UBE2K: variants seen among roughly 807,000 people sequenced by gnomAD.
The protein encoded by UBE2K is ubiquitin conjugating enzyme E2 K.
In UBE2K, 6 loss-of-function variants were observed where a neutral mutation model predicts 30.0. The observed-to-expected ratio is 0.20, with a 90% CI of 0.11 to 0.39. The LOEUF (loss-of-function observed/expected upper bound fraction) is 0.39, where lower values mean the gene tolerates loss of function less well. UBE2K is among the 10% of genes least tolerant of loss of function. The pLI, the probability that UBE2K is intolerant of heterozygous loss-of-function variation, is 1.00. For missense variants in UBE2K, 61 were observed against 241.6 expected (o/e 0.25, Z 4.96); for synonymous variants, 86 against 83.7 (o/e 1.03, Z -0.15).
chr4:39,737,611 G>T lies in UBE2K; in HGVS notation c.157+98G>T, dbSNP rs911606228. ...TAAACATCTATAAATTATATGGAGG[G>T]TAACTTCATTTGGTTTAGATAAACA... On this transcript the variant is annotated intron_variant, in intron 2 of 6. Transcript: ENST00000261427. 1.2e-5 allele frequency: 9 copies of T among 755,644 alleles called. No homozygotes were observed. In the East Asian group the frequency reaches 2.2e-4, roughly 19 times the overall value. 46.8% of individuals were successfully genotyped at this position (755,644 alleles called of 1,614,324 possible). A position where few individuals can be genotyped will look rare whatever the true frequency, so the allele number is the denominator to read the frequency against.
chr4:39,715,808 C>T (rs1246418629), intron 1 of UBE2K, among the ~76,000 whole-genome samples: 1 of 152,066 alleles, frequency 6.6e-6, no homozygotes, highest in African/African-American at 2.4e-5. Context: ...TTGGCCTGAC[C>T]TCCTGCTCTG....
At chr4:39,744,115 A>G (rs1347446422) in intron 2 of UBE2K, among the ~76,000 whole-genome samples, 2 of 152,126 alleles carry the variant, frequency 1.3e-5, no homozygotes, top group South Asian at 2.1e-4. Context: ...TGCCCACCTC[A>G]GCCTCCCAAA....
intron 4 of UBE2K, among the ~76,000 whole-genome samples, chr4:39,759,541 C>T (rs1008303464): frequency 6.6e-6 from 1 of 152,164 alleles, no homozygotes; most frequent in Non-Finnish European, 1.5e-5. Context: ...GCCTCGGCCT[C>T]CCAGAGTGCT....
chr4:39,739,258 C>T (rs1342681462), intron 2 of UBE2K, among the ~76,000 whole-genome samples: 1 of 150,864 alleles, frequency 6.6e-6, no homozygotes, highest in African/African-American at 2.4e-5. Context: ...GTCTCGATCT[C>T]CTGACCTCGT....
In UBE2K at chr4:39,766,818, C is replaced by T. The variant is rs755547801; in HGVS notation, c.300-8016C>T. On this transcript the variant is annotated intron_variant, in intron 4 of 6. Coordinates refer to ENST00000261427, the MANE Select transcript of UBE2K (RefSeq NM_005339.5). ...AGGCTGGATTGCAGTGACACAATCTCGGCTTACTGCAGCCTCTGCCTCCTG... is the reference window on the plus strand; with the variant it reads ...AGGCTGGATTGCAGTGACACAATCTTGGCTTACTGCAGCCTCTGCCTCCTG... Among the ~76,000 whole-genome samples the T allele has an allele frequency of 3.3e-5, 5 of 152,084 alleles. No individual in the cohort carries two copies. The South Asian group carries it at 1.0e-3, about 32-fold the overall frequency.
Position 39,775,034 on chromosome 4 carries a change from A to G in UBE2K, c.399+101A>G. The G allele has an allele frequency of 5.2e-6, 3 of 576,728 alleles. No homozygotes were observed. The South Asian group carries it at 1.7e-4, about 32-fold the overall frequency. 35.7% of individuals were successfully genotyped at this position (576,728 alleles called of 1,614,324 possible). On this transcript the variant is annotated intron_variant, in intron 5 of 6. Coordinates refer to ENST00000261427, the MANE Select transcript of UBE2K (RefSeq NM_005339.5). The stretch of plus-strand genomic sequence containing the variant: ...CACATGAGCATACTCTATTGAAACT[A>G]AATTTTGAAATGGTTTTCTTTCTTG...
chr4:39,761,389 T>G (rs1433712779), intron 4 of UBE2K: 1 of 152,230 alleles, frequency 6.6e-6, no homozygotes, highest in Non-Finnish European at 1.5e-5. Context: ...ATTGATGATC[T>G]GTTGGAAGAT....
intron 1 of UBE2K, among the ~76,000 whole-genome samples, chr4:39,706,061 G>T (rs1718342835): frequency 6.6e-6 from 1 of 152,168 alleles, no homozygotes; most frequent in South Asian, 2.1e-4. Flanking sequence ...ACCTAGGCTG[G>T]AGTGCAGTGG....
chr4:39,700,318 A>G (rs1717936912), intron 1 of UBE2K, among the ~76,000 whole-genome samples: 1 of 152,202 alleles, frequency 6.6e-6, no homozygotes, highest in African/African-American at 2.4e-5. Context: ...GATAAGCATC[A>G]AAAGTGTTTC....
chr4:39,777,566 A>G (rs987462934), intron 5 of UBE2K, 116 bp from the exon 6 acceptor site: 76 of 1,036,224 alleles, frequency 7.3e-5, no homozygotes, highest in Non-Finnish European at 9.3e-6. Flanking sequence ...AGTGAATCAC[A>G]TTTTAAATGT....
At chr4:39,719,549 T>C (rs908793594) in intron 1 of UBE2K, among the ~76,000 whole-genome samples, 3 of 152,216 alleles carry the variant, frequency 2.0e-5, no homozygotes, top group African/African-American at 7.2e-5. Context: ...TAGGGCAGGC[T>C]TCCGTTACTT....
chr4:39,737,521 C>T lies in UBE2K; in HGVS notation c.157+8C>T, dbSNP rs753722032. The T allele has an allele frequency of 2.0e-6, 3 of 1,522,542 alleles. No individual in the cohort carries two copies. The highest frequency in any genetic ancestry group is 1.7e-4 in the Middle Eastern group (1 of 5,876). The allele number at this position is 1,522,542 out of a possible 1,614,324, so 94.3% of individuals were successfully genotyped here. ...CAGACACACCATATGAAGGCAAGTA[C>T]TTTTTTCTGTATCAAAATATTGTGC... On this transcript the variant is annotated splice_region_variant and intron_variant, in intron 2 of 6. Coordinates refer to ENST00000261427, the MANE Select transcript of UBE2K (RefSeq NM_005339.5).
chr4:39,768,938 A>G (rs1441487924), intron 4 of UBE2K, among the ~76,000 whole-genome samples: 1 of 152,078 alleles, frequency 6.6e-6, no homozygotes, highest in Admixed American at 6.6e-5. Context: ...GCTCACTGCA[A>G]CCTCAGCCTT....
At chr4:39,727,517 A>T (rs1443800642) in intron 1 of UBE2K, among the ~76,000 whole-genome samples, 1 of 150,838 alleles carries the variant, frequency 6.6e-6, no homozygotes, top group Non-Finnish European at 1.5e-5. Context: ...ATGCACCACC[A>T]CACCCACACC....
At chr4:39,769,079 A>T (rs867377281) in intron 4 of UBE2K, among the ~76,000 whole-genome samples, 1 of 151,860 alleles carries the variant, frequency 6.6e-6, no homozygotes. Flanking sequence ...TGATCTGCCC[A>T]CCTCAGCCTT....
At chr4:39,742,750 G>C (rs1048075074) in intron 2 of UBE2K, among the ~76,000 whole-genome samples, 1 of 151,114 alleles carries the variant, frequency 6.6e-6, no homozygotes, top group African/African-American at 2.4e-5. Context: ...CAAATAAAAA[G>C]TAGCCAGAAG....
chr4:39,723,618 T>G (rs1336441447), intron 1 of UBE2K, among the ~76,000 whole-genome samples: 1 of 152,268 alleles, frequency 6.6e-6, no homozygotes, highest in Admixed American at 6.5e-5. Flanking sequence ...TCCGCCTGCC[T>G]CGGCCTCCGA....
At chr4:39,770,186 G>A in intron 4 of UBE2K, 1 of 1,609,318 alleles carries the variant, frequency 6.2e-7, no homozygotes. Flanking sequence ...CAGGCTTGTG[G>A]GCGAAGCGCA....
At chr4:39,702,487 C>G (rs1176970289) in intron 1 of UBE2K, among the ~76,000 whole-genome samples, 1 of 151,966 alleles carries the variant, frequency 6.6e-6, no homozygotes, top group Non-Finnish European at 1.5e-5. Context: ...CTCCCGACCT[C>G]AGGTGATCCA....
Sources: gnomAD v4.1 joint callset for allele counts (sites outside exome capture counted in the v4.1 genomes callset) on GRCh38, gnomAD v4.1.1 for gene constraint, MANE v1.5 for transcripts, NCBI Gene and HGNC (gene_info 2026-07-23, HGNC 2026-07-21) for gene names.